Variants in CHIC2 observed in about 807,000 individuals in gnomAD.
CHIC2 encodes cysteine rich hydrophobic domain 2.
Under a neutral mutation model 25.9 loss-of-function variants are expected in CHIC2, and 14 were observed. That is an observed-to-expected ratio of 0.54 (90% CI 0.36 to 0.85). The LOEUF is 0.85. CHIC2 is among the 40% of genes least tolerant of loss of function. The pLI is 0.01. For synonymous variants in CHIC2, 70 were observed against 72.0 expected (o/e 0.97, Z 0.14); for missense variants, 146 against 202.0 (o/e 0.72, Z 1.68).
At chr4:54,037,559 TTAAG>T (rs1161260751) in intron 3 of CHIC2, among the ~76,000 whole-genome samples, 3 of 152,068 alleles carry the variant, frequency 2.0e-5, no homozygotes, top group East Asian at 3.9e-4. Context: ...ATAATATACT[TTAAG>T]TATGTGTAGT....
In CHIC2 at chr4:54,010,094, G is replaced by A; in HGVS notation, c.*1C>T. The stretch of plus-strand genomic sequence containing the variant: ...GAAAGTCTCTATAAATAAAGTAAAT[G>A]CTAATCTGGTCGAAAAATCGGTGTC... On this transcript the variant is annotated 3_prime_UTR_variant, in exon 6 of 6. Coordinates refer to ENST00000263921, the MANE Select transcript of CHIC2 (RefSeq NM_012110.4). 1 of 1,596,182 alleles carries A rather than the reference G, an allele frequency of 6.3e-7. No individual in the cohort carries two copies. The highest frequency in any genetic ancestry group is 8.6e-7 in the Non-Finnish European group (1 of 1,164,470).
chr4:54,064,556 C>T lies in CHIC2; in HGVS notation c.-256G>A. On this transcript the variant is annotated 5_prime_UTR_variant, in exon 1 of 6. The change creates a new upstream start codon in the 5' untranslated region. Transcript: ENST00000263921. This position sits in a 1 kb window ranked among gnomAD's most constrained non-coding sequence, Gnocchi z 4.2. ...ATCCGCCCAGAGGCCGACACCTCCA[C>T]AAGCACAGACGCCGCTGCCGCCGCC... The T allele has an allele frequency of 7.6e-7, 1 of 1,312,870 alleles. No individual in the cohort carries two copies. The highest frequency in any genetic ancestry group is 9.7e-7 in the Non-Finnish European group (1 of 1,033,696). 81.3% of individuals were successfully genotyped at this position (1,312,870 alleles called of 1,614,324 possible). A position where few individuals can be genotyped will look rare whatever the true frequency, so the allele number is the denominator to read the frequency against.
chr4:54,076,087 G>T, the CHIC2 span, among the ~76,000 whole-genome samples: 1 of 152,148 alleles, frequency 6.6e-6, no homozygotes, highest in African/African-American at 2.4e-5. Flanking sequence ...AGGAGTTCAA[G>T]AACAGCCTAT....
chr4:54,049,351 C>T lies in CHIC2; in HGVS notation c.120-46G>A, dbSNP rs749961956. 3.9e-6 allele frequency: 5 copies of T among 1,281,576 alleles called. No individual in the cohort carries two copies. In the African/African-American group the frequency reaches 6.0e-5, roughly 15 times the overall value. The allele number at this position is 1,281,576 out of a possible 1,614,324, so 79.4% of individuals were successfully genotyped here. On this transcript the variant is annotated intron_variant, in intron 1 of 5. Coordinates refer to ENST00000263921, the MANE Select transcript of CHIC2 (RefSeq NM_012110.4). ...AATATGTTATTACATGTTATTGTTG[C>T]CAAAAATGTAGACCATTTAATTTAA...
the CHIC2 span, among the ~76,000 whole-genome samples, chr4:54,082,592 C>CTGG: frequency 6.6e-6 from 1 of 152,238 alleles, no homozygotes; most frequent in African/African-American, 2.4e-5. Context: ...TTCAAGTCAT[C>CTGG]TGGTGGTCAG....
intron 3 of CHIC2, among the ~76,000 whole-genome samples, chr4:54,016,672 GA>G (rs923995218): frequency 5.3e-5 from 8 of 150,104 alleles, no homozygotes; most frequent in East Asian, 1.9e-4. Flanking sequence ...CTTGACAGGT[GA>G]AAAAAAAAGC....
At chr4:54,085,792 G>A in the CHIC2 span, among the ~76,000 whole-genome samples, 1 of 152,118 alleles carries the variant, frequency 6.6e-6, no homozygotes, top group East Asian at 1.9e-4. Flanking sequence ...AGTAAATCCA[G>A]TAACTTATTA....
At chr4:54,029,354 C>G (rs1716154136) in intron 3 of CHIC2, among the ~76,000 whole-genome samples, 1 of 152,142 alleles carries the variant, frequency 6.6e-6, no homozygotes, top group Non-Finnish European at 1.5e-5. Context: ...CCTGAAAAAC[C>G]TCTGGAATAA....
chr4:54,083,879 CTT>C, the CHIC2 span, among the ~76,000 whole-genome samples: 1 of 152,194 alleles, frequency 6.6e-6, no homozygotes, highest in African/African-American at 2.4e-5. Context: ...CACTCACACT[CTT>C]TGCTTTCTGC....
intron 3 of CHIC2, among the ~76,000 whole-genome samples, chr4:54,025,351 G>T: frequency 6.6e-6 from 1 of 151,860 alleles, no homozygotes; most frequent in Non-Finnish European, 1.5e-5. Flanking sequence ...TGTACTTTGT[G>T]AGATCCACCC....
At chr4:54,015,151 A>C (rs1217852990) in intron 3 of CHIC2, among the ~76,000 whole-genome samples, 2 of 152,140 alleles carry the variant, frequency 1.3e-5, no homozygotes, top group African/African-American at 4.8e-5. Context: ...TTAGCATATT[A>C]AACATGCTAA....
At chr4:54,061,798 A>G (rs1450030408) in intron 1 of CHIC2, among the ~76,000 whole-genome samples, 1 of 152,194 alleles carries the variant, frequency 6.6e-6, no homozygotes, top group African/African-American at 2.4e-5. Flanking sequence ...TAAGTTTTCA[A>G]TGCAGAAAGA....
rs1237725832 is a variant in CHIC2 at position 54,045,500 on chromosome 4, A to C, written c.330+3455T>G. Among the ~76,000 whole-genome samples, 15 of 152,202 alleles carry C rather than the reference A, an allele frequency of 9.9e-5. No homozygotes were observed. In the East Asian group the frequency reaches 2.7e-3, roughly 27 times the overall value. ...GGATGCAAGGCTGGTTCAACATACGAAAATCAATAAACGTAATCCAGCATA... is the reference window on the plus strand; with the variant it reads ...GGATGCAAGGCTGGTTCAACATACGCAAATCAATAAACGTAATCCAGCATA... On this transcript the variant is annotated intron_variant, in intron 3 of 5. Coordinates refer to ENST00000263921, the MANE Select transcript of CHIC2 (RefSeq NM_012110.4).
chr4:54,056,315 T>C lies in CHIC2; in HGVS notation c.120-7010A>G, dbSNP rs573640048. ...TTTCTGAACTACAGAAAAAAGATTT[T>C]TGTATATCTGATTTATACATATTTT... On this transcript the variant is annotated intron_variant, in intron 1 of 5. Coordinates refer to ENST00000263921, the MANE Select transcript of CHIC2 (RefSeq NM_012110.4). Among the ~76,000 whole-genome samples the C allele has an allele frequency of 8.5e-5, 13 of 152,296 alleles. No individual in the cohort carries two copies. The East Asian group carries it at 2.5e-3, about 29-fold the overall frequency.
At chr4:54,042,818 A>G (rs1175752096) in intron 3 of CHIC2, among the ~76,000 whole-genome samples, 1 of 152,238 alleles carries the variant, frequency 6.6e-6, no homozygotes, top group Non-Finnish European at 1.5e-5. Flanking sequence ...AGTAAATATC[A>G]TAAGTCATTC....
intron 3 of CHIC2, among the ~76,000 whole-genome samples, chr4:54,045,356 T>A (rs1716749233): frequency 6.6e-6 from 1 of 152,142 alleles, no homozygotes; most frequent in Non-Finnish European, 1.5e-5. Flanking sequence ...AAAAAGAGAA[T>A]TTTAGACCAA....
At chr4:54,046,404 T>A (rs1716815510) in intron 3 of CHIC2, among the ~76,000 whole-genome samples, 1 of 152,052 alleles carries the variant, frequency 6.6e-6, no homozygotes, top group African/African-American at 2.4e-5. Context: ...CAAACTATAC[T>A]ACAAGGATAC....
At position 54,023,985 on chromosome 4, in the gene CHIC2, G is replaced by C. The variant is rs115024351; in HGVS notation, c.331-9866C>G. Among the ~76,000 whole-genome samples, 922 of 152,262 alleles carry C rather than the reference G, an allele frequency of 6.1e-3. 8 individuals are homozygous for C. The highest frequency in any genetic ancestry group is 0.021 in the African/African-American group (865 of 41,544). ...TCACTGCAAGCAAGGGCCATCAAAA[G>C]GTGTCAGATCTCATCGTTCAGGGCA... On this transcript the variant is annotated intron_variant, in intron 3 of 5. Coordinates refer to ENST00000263921, the MANE Select transcript of CHIC2 (RefSeq NM_012110.4).
chr4:54,044,422 G>A (rs1008211394), intron 3 of CHIC2, among the ~76,000 whole-genome samples: 3 of 152,158 alleles, frequency 2.0e-5, no homozygotes, highest in Non-Finnish European at 4.4e-5. Flanking sequence ...CTCAGCAAAT[G>A]TAAAAGAACA....
Sources: allele counts gnomAD v4.1 joint callset (sites outside exome capture counted in the v4.1 genomes callset), GRCh38; gene constraint gnomAD v4.1.1; non-coding constraint Gnocchi (gnomAD v3.1); transcripts MANE v1.5; gene names NCBI Gene and HGNC (gene_info 2026-07-23, HGNC 2026-07-21).